Variants in TAFA5 observed in about 807,000 individuals in gnomAD.
TAFA5 encodes the protein chemokine-like protein TAFA-5.
In TAFA5, 6 loss-of-function variants were observed where a neutral mutation model predicts 15.3. The ratio of observed to expected loss-of-function variants is 0.39; its 90% CI spans 0.21 to 0.77. The LOEUF is 0.77. Ranked by LOEUF, TAFA5 falls within the 30% of genes least tolerant of loss-of-function variation. TAFA5 has a pLI of 0.41. For missense variants in TAFA5, 161 were observed against 193.1 expected, an observed-to-expected ratio of 0.83 and a Z score of 0.98; for synonymous variants, 103 against 80.7, an observed-to-expected ratio of 1.28 and a Z score of -1.48.
chr22:48,750,061 C>CG lies in TAFA5; in HGVS notation c.*220dup, dbSNP rs890779163. On this transcript the variant is annotated 3_prime_UTR_variant, in exon 4 of 4. Coordinates refer to ENST00000402357, the MANE Select transcript of TAFA5 (RefSeq NM_001082967.3). The stretch of plus-strand genomic sequence containing the variant: ...AGGAGGCCGGACTCAGACACATAGG[C>CG]GGGGGGCGGCACCTGGCATCAGCAA... 6.7e-6 allele frequency: 4 copies of CG among 595,678 alleles called. No individual in the cohort carries two copies. The highest frequency in any genetic ancestry group is 2.0e-5 in the South Asian group (1 of 49,888). 36.9% of individuals were successfully genotyped at this position (595,678 alleles called of 1,614,324 possible). A position where few individuals can be genotyped will look rare whatever the true frequency, so the allele number is the denominator to read the frequency against.
Position 48,537,276 on chromosome 22 carries a change from A to G in TAFA5, c.112+47572A>G, listed in dbSNP as rs117935720. The stretch of plus-strand genomic sequence containing the variant: ...GGCCCGGCTCCCTGGGGACCTGAGG[A>G]CATGAGGTTCCCGCTCTGTTCTTGG... On this transcript the variant is annotated intron_variant, in intron 1 of 3. Coordinates refer to ENST00000402357, the MANE Select transcript of TAFA5 (RefSeq NM_001082967.3). Among the ~76,000 whole-genome samples the G allele has an allele frequency of 0.016, 2,488 of 152,174 alleles. 124 individuals carry two copies. In the East Asian group the frequency reaches 0.18, roughly 11 times the overall value.
chr22:48,644,303 C>G (rs1189403879), intron 1 of TAFA5, among the ~76,000 whole-genome samples: 1 of 152,150 alleles, frequency 6.6e-6, no homozygotes, highest in Non-Finnish European at 1.5e-5. Context: ...CCAGGGGAGG[C>G]CCCTGCTGCC....
intron 3 of TAFA5, among the ~76,000 whole-genome samples, chr22:48,745,407 A>C (rs879172034): frequency 7.0e-6 from 1 of 142,580 alleles, no homozygotes; most frequent in South Asian, 2.2e-4. Context: ...ATGGGCACAC[A>C]CGGCTTTGTC....
chr22:48,499,844 G>T (rs996970842), intron 1 of TAFA5, among the ~76,000 whole-genome samples: 1 of 152,182 alleles, frequency 6.6e-6, no homozygotes, highest in Non-Finnish European at 1.5e-5. Context: ...GGTGGGCTGG[G>T]GCGTGGAGTG....
At chr22:48,678,590 C>T (rs1016596264) in intron 2 of TAFA5, among the ~76,000 whole-genome samples, 18 of 152,114 alleles carry the variant, frequency 1.2e-4, no homozygotes, top group African/African-American at 1.7e-4. Flanking sequence ...AGCAGGGCTG[C>T]GGCAGGCGGG....
intron 2 of TAFA5, among the ~76,000 whole-genome samples, chr22:48,701,894 C>T (rs111259836): frequency 0.075 from 11,357 of 152,272 alleles, 563 homozygotes; most frequent in Non-Finnish European, 0.11. Context: ...CTGCCACTGA[C>T]GAGGGTCTAG....
chr22:48,732,661 C>G (rs1328458775), intron 3 of TAFA5, among the ~76,000 whole-genome samples: 1 of 152,224 alleles, frequency 6.6e-6, no homozygotes. Context: ...GTTGACAGTG[C>G]AGCGGCAGGT....
At chr22:48,580,166 C>T (rs1923981792) in intron 1 of TAFA5, among the ~76,000 whole-genome samples, 1 of 152,190 alleles carries the variant, frequency 6.6e-6, no homozygotes, top group African/African-American at 2.4e-5. Flanking sequence ...ATTGAGTCAA[C>T]GGATTCAACT....
intron 2 of TAFA5, among the ~76,000 whole-genome samples, chr22:48,688,869 G>A (rs1046929906): frequency 6.6e-6 from 1 of 152,000 alleles, no homozygotes; most frequent in African/African-American, 2.4e-5. Context: ...GCGCATGCCT[G>A]TAATCCTAGC....
At chr22:48,676,331 G>C (rs1047921126) in intron 2 of TAFA5, among the ~76,000 whole-genome samples, 8 of 152,240 alleles carry the variant, frequency 5.3e-5, no homozygotes, top group Non-Finnish European at 8.8e-5. Context: ...GTGAGCCTTT[G>C]AGGGAGGGTG....
intron 1 of TAFA5, among the ~76,000 whole-genome samples, chr22:48,584,905 C>T (rs1405354598): frequency 6.8e-6 from 1 of 147,932 alleles, no homozygotes; most frequent in Non-Finnish European, 1.5e-5. Context: ...ACATCTCACA[C>T]ACACACACCA....
At chr22:48,650,317 C>G (rs893552264) in intron 2 of TAFA5, among the ~76,000 whole-genome samples, 2 of 152,196 alleles carry the variant, frequency 1.3e-5, no homozygotes, top group African/African-American at 4.8e-5. Flanking sequence ...ATTATTCATA[C>G]ATTTGCTCAC....
At chr22:48,529,817 C>G in intron 1 of TAFA5, among the ~76,000 whole-genome samples, 1 of 152,034 alleles carries the variant, frequency 6.6e-6, no homozygotes, top group East Asian at 1.9e-4. Context: ...AGACCTCCAT[C>G]CTCCCATGGG....
intron 1 of TAFA5, among the ~76,000 whole-genome samples, chr22:48,542,597 GTA>G (rs1262170553): frequency 9.1e-5 from 10 of 109,396 alleles, no homozygotes; most frequent in African/African-American, 1.5e-4. Flanking sequence ...TGTGTGGTGT[GTA>G]TGTGTGTGTG....
chr22:48,651,178 G>A (rs2147205918), intron 2 of TAFA5, among the ~76,000 whole-genome samples: 1 of 152,352 alleles, frequency 6.6e-6, no homozygotes, highest in Non-Finnish European at 1.5e-5. Flanking sequence ...GCAGAGGGTG[G>A]TGGTTTGTGA....
intron 1 of TAFA5, among the ~76,000 whole-genome samples, chr22:48,512,230 C>G (rs1921240914): frequency 6.6e-6 from 1 of 152,154 alleles, no homozygotes; most frequent in Non-Finnish European, 1.5e-5. Context: ...GGGGCTGGCC[C>G]CTTCGCTGCC....
chr22:48,605,031 G>A (rs2147168145), intron 1 of TAFA5, among the ~76,000 whole-genome samples: 2 of 151,490 alleles, frequency 1.3e-5, no homozygotes, highest in African/African-American at 4.8e-5. Context: ...TGATGGTGAT[G>A]ATGATCGTGG....
intron 1 of TAFA5, among the ~76,000 whole-genome samples, chr22:48,634,374 C>A (rs1478681607): frequency 6.6e-6 from 1 of 152,128 alleles, no homozygotes; most frequent in East Asian, 1.9e-4. Context: ...TTCATTAACT[C>A]ACTTATTCAG....
chr22:48,659,352 C>A (rs995180943), intron 2 of TAFA5, among the ~76,000 whole-genome samples: 2 of 152,234 alleles, frequency 1.3e-5, no homozygotes, highest in African/African-American at 4.8e-5. Context: ...CCCAGCCCAC[C>A]GTCCACAGAC....
Sources: allele counts gnomAD v4.1 joint callset (sites outside exome capture counted in the v4.1 genomes callset), GRCh38; gene constraint gnomAD v4.1.1; transcripts MANE v1.5; gene names NCBI Gene and HGNC (gene_info 2026-07-23, HGNC 2026-07-21).